The following NRL variants were observed in gnomAD, a reference collection of about 807,000 sequenced individuals.
NRL encodes the protein neural retina-specific leucine zipper protein.
A neutral mutation model predicts 12.5 loss-of-function variants in NRL; 16 were observed. The ratio of observed to expected loss-of-function variants is 1.28; its 90% CI spans 0.87 to 1.95. The LOEUF (loss-of-function observed/expected upper bound fraction) is 1.95, where lower values mean the gene tolerates loss of function less well. Ranked by LOEUF, NRL falls within the 30% of genes most tolerant of loss-of-function variation. The probability of loss-of-function intolerance (pLI) is 0.00; values close to 1 mark genes in which losing one functional copy is unlikely to be tolerated. For synonymous variants in NRL, 142 were observed against 150.9 expected, an observed-to-expected ratio of 0.94 and a Z score of 0.43; for missense variants, 314 against 325.8, an observed-to-expected ratio of 0.96 and a Z score of 0.28.
chr14:24,093,203 G>A (rs2036690311), intron 1 of NRL: 1 of 152,340 alleles, frequency 6.6e-6, no homozygotes, highest in Non-Finnish European at 1.5e-5. Context: ...GCGAGTGGAT[G>A]CTGAGCAGAC....
At chr14:24,082,413 G>A in intron 2 of NRL, 55 bp downstream of exon 2, 3 of 1,607,770 alleles carry the variant, frequency 1.9e-6, no homozygotes, top group Non-Finnish European at 2.5e-6. Context: ...TCCTCTCTTG[G>A]GCAGTCCTCC....
intron 1 of NRL, chr14:24,110,531 A>C (rs10147702): frequency 0.029 from 4,953 of 169,492 alleles, 239 homozygotes; most frequent in African/African-American, 0.11. Context: ...ATGGTATAAA[A>C]ATAGAAGGCT....
At chr14:24,086,537 C>T (rs192124502) in intron 1 of NRL, among the ~76,000 whole-genome samples, 157 of 152,324 alleles carry the variant, frequency 1.0e-3, no homozygotes, top group South Asian at 5.0e-3. Flanking sequence ...GAATGAGGAT[C>T]ATGGAGAGGC....
Position 24,081,386 on chromosome 14 carries a change from C to A in NRL, c.564G>T (p.Glu188Asp), listed in dbSNP as rs12885309. Residue 188 changes from glutamate (E) to aspartate (D), a missense_variant, in exon 3 of 3, where the codon GAG becomes GAT. By Grantham distance (45) the Glu-to-Asp change is conservative. Transcript: ENST00000561028. This position sits in a 1 kb window ranked among gnomAD's most constrained non-coding sequence, Gnocchi z 4.4. ...SKRLQQRRGLEAERARLAAQL... is the reference protein window; with the variant it reads ...SKRLQQRRGLDAERARLAAQL... ...GGGCGGCCAGGCGGGCGCGCTCGGC[C>A]TCCAGCCCGCGCCGCTGCTGCAGCC... The A allele has an allele frequency of 6.8e-7, 1 of 1,469,902 alleles. No homozygotes were observed. The highest frequency in any genetic ancestry group is 9.0e-7 in the Non-Finnish European group (1 of 1,113,332). 91.1% of individuals were successfully genotyped at this position (1,469,902 alleles called of 1,614,324 possible). A position where few individuals can be genotyped will look rare whatever the true frequency, so the allele number is the denominator to read the frequency against.
chr14:24,084,764 G>T (rs1292828467), intron 1 of NRL: 1 of 922,222 alleles, frequency 1.1e-6, no homozygotes, highest in East Asian at 1.2e-4. Flanking sequence ...GGGGGAAATG[G>T]AGAGAGAGGA....
intron 1 of NRL, chr14:24,099,815 G>C: frequency 6.6e-7 from 1 of 1,518,918 alleles, no homozygotes; most frequent in South Asian, 1.1e-5. Context: ...CAGTGAGAAA[G>C]TTTCCTGAAC....
chr14:24,086,504 C>T (rs1045529878), intron 1 of NRL, among the ~76,000 whole-genome samples: 5 of 152,184 alleles, frequency 3.3e-5, no homozygotes, highest in African/African-American at 1.2e-4. Context: ...AAGCCTAAGG[C>T]CTAGGAACCA....
In NRL at chr14:24,081,123, G is replaced by T. The variant is rs3560; in HGVS notation, c.*113C>A. On this transcript the variant is annotated 3_prime_UTR_variant, in exon 3 of 3. Transcript: ENST00000561028. The surrounding 1 kb of genome is among the most constrained non-coding windows in gnomAD (Gnocchi z 4.4). ...GGGGATATTTGCGCGGTCATACAGG[G>T]CGTGGCTAGGACCAGAAGGCGCTCT... The T allele has an allele frequency of 7.5e-3, 4,949 of 657,102 alleles. 31 individuals carry two copies. The highest frequency in any genetic ancestry group is 9.8e-3 in the Non-Finnish European group (4,454 of 453,274). 40.7% of individuals were successfully genotyped at this position (657,102 alleles called of 1,614,324 possible). A position where few individuals can be genotyped will look rare whatever the true frequency, so the allele number is the denominator to read the frequency against.
chr14:24,092,804 CA>C (rs2036676326), intron 1 of NRL, among the ~76,000 whole-genome samples: 1 of 152,218 alleles, frequency 6.6e-6, no homozygotes, highest in Admixed American at 6.5e-5. Flanking sequence ...TTAGCTTGAG[CA>C]AGAGAAGAAA....
intron 1 of NRL, among the ~76,000 whole-genome samples, chr14:24,113,810 A>ACGAGCCCTCGCTCCCATC (rs2037468209): frequency 6.6e-6 from 1 of 152,236 alleles, no homozygotes; most frequent in Non-Finnish European, 1.5e-5. Context: ...CAAGAAGGCC[A>ACGAGCCCTCGCTCCCATC]CGAGCCCTCG....
intron 1 of NRL, chr14:24,103,790 T>C (rs1566582581): frequency 1.2e-6 from 2 of 1,614,124 alleles, no homozygotes; most frequent in East Asian, 2.2e-5. Flanking sequence ...GAGCCTTGGA[T>C]CTCAGCGGCC....
At chr14:24,099,607 C>G (rs1566577887) in intron 1 of NRL, 1 of 1,613,324 alleles carries the variant, frequency 6.2e-7, no homozygotes, top group South Asian at 1.1e-5. Context: ...GTGGCAGCCG[C>G]CTTCCCTAGT....
intron 1 of NRL, among the ~76,000 whole-genome samples, chr14:24,101,453 C>T (rs149938611): frequency 1.8e-4 from 27 of 152,314 alleles, no homozygotes; most frequent in Middle Eastern, 6.8e-3. Context: ...GTGCTTCATA[C>T]ATGTGCCACT....
At position 24,094,382 on chromosome 14, in the gene NRL, C is replaced by T. The variant is rs1424052095; in HGVS notation, c.-27-11507G>A. 1 of 1,547,328 alleles carries T rather than the reference C, an allele frequency of 6.5e-7. No homozygotes were observed. Among genetic ancestry groups the T allele is most frequent in the Non-Finnish European group, 8.7e-7 (1 of 1,150,096 alleles). On this transcript the variant is annotated intron_variant, in intron 1 of 2. Coordinates refer to ENST00000561028, the MANE Select transcript of NRL (RefSeq NM_001354768.3). The surrounding 1 kb of genome is among the most constrained non-coding windows in gnomAD (Gnocchi z 4.1). ...CCCGGCTCCGCTCGGTTCCTGGCCACCCCGCAGCCCCTGCCCAGGTGCCAT... is the reference window on the plus strand; with the variant it reads ...CCCGGCTCCGCTCGGTTCCTGGCCATCCCGCAGCCCCTGCCCAGGTGCCAT...
At chr14:24,109,523 G>A (rs781315330) in intron 1 of NRL, among the ~76,000 whole-genome samples, 2 of 151,906 alleles carry the variant, frequency 1.3e-5, no homozygotes, top group African/African-American at 2.4e-5. Context: ...GTGAAACCCC[G>A]TCTCTACTAA....
chr14:24,098,173 C>T, intron 1 of NRL: 1 of 1,564,736 alleles, frequency 6.4e-7, no homozygotes, highest in Non-Finnish European at 8.7e-7. Context: ...CTGCTGGCCA[C>T]CATCTTCCTG....
chr14:24,102,241 T>C (rs2037190931), intron 1 of NRL, among the ~76,000 whole-genome samples: 1 of 152,154 alleles, frequency 6.6e-6, no homozygotes, highest in African/African-American at 2.4e-5. Context: ...AATAAAAAGA[T>C]AAAATAAATT....
intron 1 of NRL, among the ~76,000 whole-genome samples, chr14:24,107,453 C>T (rs995808733): frequency 5.9e-5 from 9 of 152,058 alleles, no homozygotes; most frequent in Admixed American, 4.6e-4. Context: ...CAGACACCAA[C>T]CCAGCCCCGC....
chr14:24,107,096 T>C (rs940935654), intron 1 of NRL, among the ~76,000 whole-genome samples: 2 of 152,156 alleles, frequency 1.3e-5, no homozygotes, highest in African/African-American at 2.4e-5. Flanking sequence ...AAAAGGAACA[T>C]GAGCAATGTA....
Sources: gnomAD v4.1 joint callset for allele counts (sites outside exome capture counted in the v4.1 genomes callset) on GRCh38, gnomAD v4.1.1 for gene constraint, Gnocchi (gnomAD v3.1) non-coding constraint, MANE v1.5 for transcripts, NCBI Gene and HGNC (gene_info 2026-07-23, HGNC 2026-07-21) for gene names.